TPD52: variants seen among roughly 807,000 people sequenced by gnomAD.
TPD52 encodes prostate and colon associated protein.
In TPD52, 17 loss-of-function variants were observed where a neutral mutation model predicts 31.3. The observed-to-expected ratio is 0.54, with a 90% CI of 0.37 to 0.82. TPD52 has a LOEUF of 0.82. Among genes scored for constraint, TPD52 ranks in the 40% least tolerant of loss-of-function variants. TPD52 has a pLI of 0.00. For missense variants in TPD52, 212 were observed against 240.1 expected (o/e 0.88, Z 0.77); for synonymous variants, 83 against 89.6 (o/e 0.93, Z 0.42).
At chr8:80,125,399 C>CAG (rs1305572144) in intron 1 of TPD52, among the ~76,000 whole-genome samples, 2 of 152,194 alleles carry the variant, frequency 1.3e-5, no homozygotes, top group African/African-American at 4.8e-5. Flanking sequence ...GCCTGAGTGA[C>CAG]AGAGAGACAC....
At chr8:80,143,559 T>C (rs1298724174) in intron 1 of TPD52, among the ~76,000 whole-genome samples, 1 of 151,374 alleles carries the variant, frequency 6.6e-6, no homozygotes, top group African/African-American at 2.4e-5. Flanking sequence ...AGCTAACTCA[T>C]ATGCTAGCAT....
At position 80,038,641 on chromosome 8, in the gene TPD52, G is replaced by A. The variant is rs56155345; in HGVS notation, c.505-406C>T. The stretch of plus-strand genomic sequence containing the variant: ...TCAAGAAATATTGAATACAACATGG[G>A]AAAGAAATATATGTTTTTTTCTCAG... On this transcript the variant is annotated intron_variant, in intron 7 of 7. Coordinates refer to ENST00000518937, the MANE Select transcript of TPD52 (RefSeq NM_001025253.3). 5.8e-3 allele frequency among the ~76,000 whole-genome samples: 880 copies of A among 152,256 alleles called. 6 individuals carry two copies. The highest frequency in any genetic ancestry group is 0.01 in the Middle Eastern group (3 of 294).
At chr8:80,082,407 G>A (rs1815387206) in intron 1 of TPD52, among the ~76,000 whole-genome samples, 1 of 152,040 alleles carries the variant, frequency 6.6e-6, no homozygotes, top group Admixed American at 6.5e-5. Context: ...CTAAATATTG[G>A]TAGAAAAAGT....
At position 80,063,196 on chromosome 8, in the gene TPD52, G is replaced by A. The variant is rs948737753; in HGVS notation, c.135+1282C>T. ...GATAAACAAAATACAATAGATACATGTAATGGAATATTATTCAGTCATTAA... is the reference window on the plus strand; with the variant it reads ...GATAAACAAAATACAATAGATACATATAATGGAATATTATTCAGTCATTAA... On this transcript the variant is annotated intron_variant, in intron 2 of 7. Coordinates refer to ENST00000518937, the MANE Select transcript of TPD52 (RefSeq NM_001025253.3). Among the ~76,000 whole-genome samples, 18 of 152,278 alleles carry A rather than the reference G, an allele frequency of 1.2e-4. 1 individual carries two copies. Among genetic ancestry groups the A allele is most frequent in the African/African-American group, 4.3e-4 (18 of 41,552 alleles).
chr8:80,088,318 G>C (rs540064479), intron 1 of TPD52, among the ~76,000 whole-genome samples: 1 of 152,182 alleles, frequency 6.6e-6, no homozygotes, highest in Non-Finnish European at 1.5e-5. Flanking sequence ...CTCGAATGGA[G>C]GCTGGAGAGT....
chr8:80,105,196 G>A (rs1357210919), intron 1 of TPD52, among the ~76,000 whole-genome samples: 2 of 152,064 alleles, frequency 1.3e-5, no homozygotes, highest in African/African-American at 2.4e-5. Context: ...CTCAACCTAA[G>A]GGAAGAGACC....
chr8:80,117,370 A>T (rs1016751681), intron 1 of TPD52, among the ~76,000 whole-genome samples: 1 of 152,244 alleles, frequency 6.6e-6, no homozygotes, highest in Non-Finnish European at 1.5e-5. Flanking sequence ...CTAAAATTGA[A>T]ATTAAGACAA....
At chr8:80,033,833 G>A (rs527337876), downstream of TPD52, among the ~76,000 whole-genome samples, 1 of 152,272 alleles carries the variant, frequency 6.6e-6, no homozygotes, top group South Asian at 2.1e-4. Context: ...CAGAATGGAG[G>A]AAGGGTGGGC....
chr8:80,128,830 T>C (rs1280940858), intron 1 of TPD52, among the ~76,000 whole-genome samples: 1 of 151,954 alleles, frequency 6.6e-6, no homozygotes, highest in East Asian at 1.9e-4. Context: ...AAGAATTCAC[T>C]TCTTCATTTG....
intron 1 of TPD52, among the ~76,000 whole-genome samples, chr8:80,085,857 G>C (rs1045023284): frequency 6.6e-6 from 1 of 152,136 alleles, no homozygotes; most frequent in African/African-American, 2.4e-5. Context: ...GAAAAACATT[G>C]AGTGGAGATC....
intron 7 of TPD52, chr8:80,042,167 T>G: frequency 1.0e-6 from 1 of 984,804 alleles, no homozygotes; most frequent in African/African-American, 1.7e-5. Flanking sequence ...GGAAAATGAT[T>G]ATGATGTATG....
intron 1 of TPD52, among the ~76,000 whole-genome samples, chr8:80,087,145 C>T (rs1563615901): frequency 6.6e-6 from 1 of 151,076 alleles, no homozygotes; most frequent in South Asian, 2.1e-4. Flanking sequence ...CTTTTTTTTT[C>T]CCCCCATCAA....
At chr8:80,147,026 G>A (rs1236988338) in intron 1 of TPD52, among the ~76,000 whole-genome samples, 1 of 152,162 alleles carries the variant, frequency 6.6e-6, no homozygotes, top group East Asian at 1.9e-4. Context: ...TCAGCAGTCT[G>A]TTTTAACAAG....
At chr8:80,140,523 G>C (rs1212544360) in intron 1 of TPD52, among the ~76,000 whole-genome samples, 1 of 152,182 alleles carries the variant, frequency 6.6e-6, no homozygotes, top group African/African-American at 2.4e-5. Context: ...ACCTGAAAGA[G>C]ATTAAACAAC....
intron 2 of TPD52, among the ~76,000 whole-genome samples, chr8:80,057,480 T>C (rs1385968617): frequency 1.3e-5 from 2 of 152,242 alleles, no homozygotes; most frequent in African/African-American, 4.8e-5. Context: ...TGGAATACTA[T>C]GCAGCCCCTA....
chr8:80,075,497 G>A lies in TPD52; in HGVS notation c.20-10904C>T, dbSNP rs1035427859. ...CAGAAAGAGTGGACAAAGAAGAAAC[G>A]ATCCTCAAGGTAAAACACAGTATTT... On this transcript the variant is annotated intron_variant, in intron 1 of 7. Transcript: ENST00000518937. Among the ~76,000 whole-genome samples the A allele has an allele frequency of 3.9e-5, 6 of 152,158 alleles. 1 individual carries two copies. Among genetic ancestry groups the A allele is most frequent in the Non-Finnish European group, 7.4e-5 (5 of 68,026 alleles).
At chr8:80,151,571 A>G (rs1027045819) in intron 1 of TPD52, among the ~76,000 whole-genome samples, 6 of 152,246 alleles carry the variant, frequency 3.9e-5, no homozygotes, top group Non-Finnish European at 8.8e-5. Flanking sequence ...AGATCCCCAA[A>G]AAAAGATCAG....
chr8:80,162,030 T>TA (rs1811400284), intron 1 of TPD52, among the ~76,000 whole-genome samples: 2 of 152,104 alleles, frequency 1.3e-5, no homozygotes, highest in South Asian at 4.1e-4. Flanking sequence ...CACCTGGCCT[T>TA]AAATAATTTT....
At chr8:80,080,059 A>G (rs1421450697) in intron 1 of TPD52, among the ~76,000 whole-genome samples, 1 of 152,236 alleles carries the variant, frequency 6.6e-6, no homozygotes, top group African/African-American at 2.4e-5. Flanking sequence ...TGAGCTTGGA[A>G]TATCTATCAA....
Sources: gnomAD v4.1 joint callset for allele counts (sites outside exome capture counted in the v4.1 genomes callset) on GRCh38, gnomAD v4.1.1 for gene constraint, MANE v1.5 for transcripts, NCBI Gene and HGNC (gene_info 2026-07-23, HGNC 2026-07-21) for gene names.